MED13L: variants seen among roughly 807,000 people sequenced by gnomAD.
The protein encoded by MED13L is mediator of RNA polymerase II transcription subunit 13-like.
In MED13L, 7 loss-of-function variants were observed where a neutral mutation model predicts 220.9. The ratio of observed to expected loss-of-function variants is 0.03; its 90% CI spans 0.02 to 0.06. The LOEUF (loss-of-function observed/expected upper bound fraction) is 0.06, where lower values mean the gene tolerates loss of function less well. MED13L is among the 10% of genes least tolerant of loss of function. MED13L has a pLI of 1.00. For synonymous variants in MED13L, 1,011 were observed against 1,015.2 expected (o/e 1.00, Z 0.08); for missense variants, 1,965 against 2,760.5 (o/e 0.71, Z 6.46).
At chr12:115,985,608 T>C (rs959213847) in intron 19 of MED13L, among the ~76,000 whole-genome samples, 2 of 152,258 alleles carry the variant, frequency 1.3e-5, no homozygotes, top group African/African-American at 4.8e-5. Flanking sequence ...ATATATACTT[T>C]GGCATAAGAA....
intron 2 of MED13L, among the ~76,000 whole-genome samples, chr12:116,216,159 C>T (rs1371732995): frequency 2.0e-5 from 3 of 152,076 alleles, no homozygotes; most frequent in South Asian, 2.1e-4. Flanking sequence ...CTGAAACCCA[C>T]GTCCTAATTT....
intron 1 of MED13L, among the ~76,000 whole-genome samples, chr12:116,260,801 G>C (rs61937384): frequency 0.15 from 22,916 of 152,058 alleles, 1,942 homozygotes; most frequent in Middle Eastern, 0.22. Flanking sequence ...AAATATCACT[G>C]ATTTGAAATT....
chr12:116,172,012 T>C (rs1879714386), intron 2 of MED13L, among the ~76,000 whole-genome samples: 1 of 152,190 alleles, frequency 6.6e-6, no homozygotes, highest in Non-Finnish European at 1.5e-5. Context: ...TCTCATTATC[T>C]AAGACTTTTG....
At chr12:116,007,037 T>G in intron 11 of MED13L, 1 of 308,332 alleles carries the variant, frequency 3.2e-6, no homozygotes, top group Non-Finnish European at 6.3e-6. Context: ...AAGCGCTCGA[T>G]AAATTGTGTA....
intron 14 of MED13L, among the ~76,000 whole-genome samples, chr12:116,000,421 G>A (rs908184285): frequency 2.6e-5 from 4 of 152,136 alleles, no homozygotes; most frequent in South Asian, 4.1e-4. Context: ...GCACTTCAGC[G>A]GGAACTCATA....
chr12:116,253,753 G>GTTTT (rs746923184), intron 1 of MED13L, among the ~76,000 whole-genome samples: 23 of 76,492 alleles, frequency 3.0e-4, no homozygotes, highest in East Asian at 4.1e-4. Context: ...GGTTTTTTTT[G>GTTTT]TTTTTTTTTT....
chr12:116,185,862 T>C (rs1428327842), intron 2 of MED13L, among the ~76,000 whole-genome samples: 3 of 151,990 alleles, frequency 2.0e-5, no homozygotes, highest in Non-Finnish European at 2.9e-5. Flanking sequence ...CCCAGCTAAT[T>C]TGTTTGTATT....
At position 116,263,254 on chromosome 12, in the gene MED13L, CTCTTT is replaced by C. The variant is rs1872626092; in HGVS notation, c.72+13801_72+13805del. ...AACGCTTTCTGACAGGATTCCCATT[CTCTTT>C]TATTATGTAAAAAAAACTAAAAAAA... On this transcript the variant is annotated intron_variant, in intron 1 of 30. Transcript: ENST00000281928. Among the ~76,000 whole-genome samples, 5 of 151,566 alleles carry C rather than the reference CTCTTT, an allele frequency of 3.3e-5. No individual in the cohort carries two copies. In the South Asian group the frequency reaches 1.0e-3, roughly 32 times the overall value.
chr12:116,023,580 T>C (rs1239334786), intron 4 of MED13L, among the ~76,000 whole-genome samples: 1 of 152,134 alleles, frequency 6.6e-6, no homozygotes, highest in Non-Finnish European at 1.5e-5. Context: ...AAGTGCAAAA[T>C]CATAATGCTT....
intron 17 of MED13L, among the ~76,000 whole-genome samples, chr12:115,988,074 T>G (rs1487996526): frequency 6.6e-6 from 1 of 152,168 alleles, no homozygotes; most frequent in African/African-American, 2.4e-5. Context: ...GGAGGTGATG[T>G]GGTGTGAATC....
At chr12:116,203,033 G>C (rs369155111) in intron 2 of MED13L, among the ~76,000 whole-genome samples, 1 of 152,172 alleles carries the variant, frequency 6.6e-6, no homozygotes, top group Non-Finnish European at 1.5e-5. Flanking sequence ...GCTTGCCACA[G>C]AAACCAACAC....
chr12:116,090,393 A>AT, intron 4 of MED13L, among the ~76,000 whole-genome samples: 1 of 152,122 alleles, frequency 6.6e-6, no homozygotes, highest in East Asian at 1.9e-4. Context: ...TTCTTTTAAA[A>AT]TTTTCCAACT....
At chr12:116,215,304 T>C (rs1882927143) in intron 2 of MED13L, among the ~76,000 whole-genome samples, 2 of 152,194 alleles carry the variant, frequency 1.3e-5, no homozygotes, top group Admixed American at 1.3e-4. Flanking sequence ...ATCCTATTTT[T>C]CTCAGAAGTC....
chr12:116,175,716 T>C (rs568199454), intron 2 of MED13L, among the ~76,000 whole-genome samples: 2 of 152,042 alleles, frequency 1.3e-5, no homozygotes, highest in Admixed American at 6.5e-5. Flanking sequence ...ATACTAAACA[T>C]TAGAGAAGGA....
At chr12:116,031,893 T>C (rs2137501209) in intron 4 of MED13L, among the ~76,000 whole-genome samples, 1 of 151,988 alleles carries the variant, frequency 6.6e-6, no homozygotes, top group East Asian at 1.9e-4. Flanking sequence ...ATGTAGACAA[T>C]ACATAGACTA....
chr12:116,128,948 T>C (rs1414147664), intron 2 of MED13L, among the ~76,000 whole-genome samples: 2 of 151,872 alleles, frequency 1.3e-5, no homozygotes, highest in Non-Finnish European at 2.9e-5. Context: ...AGGGGGAACA[T>C]AATGCAAAAA....
intron 4 of MED13L, among the ~76,000 whole-genome samples, chr12:116,055,186 G>T (rs984452933): frequency 5.9e-5 from 9 of 152,274 alleles, no homozygotes; most frequent in African/African-American, 1.4e-4. Context: ...GGCATAAGGG[G>T]TGCTTCTAAG....
rs753776073 is a variant in MED13L, at chr12:115,991,525, C to T, written c.3429G>A (p.Ala1143=). The T allele has an allele frequency of 2.6e-5, 42 of 1,614,006 alleles. No homozygotes were observed. The East Asian group carries it at 7.1e-4, about 27-fold the overall frequency. The change falls in exon 17 of 31, where the codon GCG becomes GCA. Residue 1143 remains alanine, a synonymous_variant. Coordinates refer to ENST00000281928, the MANE Select transcript of MED13L (RefSeq NM_015335.5). This position sits in a 1 kb window ranked among gnomAD's most constrained non-coding sequence, Gnocchi z 7.7. The part of the protein sequence containing the change: ...ICACNMNIKG[A]DVGLYIPDSS... ...AATCGGGGATGTAAAGCCCGACATC[C>T]GCCCCTTTGATGTTCATGTTGCAGG...
chr12:116,056,281 G>GT lies in MED13L; in HGVS notation c.480-33681dup, dbSNP rs1294062266. Among the ~76,000 whole-genome samples the GT allele has an allele frequency of 7.5e-5, 10 of 133,816 alleles. No homozygotes were observed. In the South Asian group the frequency reaches 1.2e-3, roughly 15 times the overall value. 87.8% of individuals were successfully genotyped at this position (133,816 alleles called of 152,430 possible). ...TATGAAGTTTCTTTTCTTGTTTTTT[G>GT]TTTGTTTTTTTTTTGAGACAAAGTC... On this transcript the variant is annotated intron_variant, in intron 4 of 30. Coordinates refer to ENST00000281928, the MANE Select transcript of MED13L (RefSeq NM_015335.5).
Sources: gnomAD v4.1 joint callset for allele counts (sites outside exome capture counted in the v4.1 genomes callset) on GRCh38, gnomAD v4.1.1 for gene constraint, Gnocchi (gnomAD v3.1) non-coding constraint, MANE v1.5 for transcripts, NCBI Gene and HGNC (gene_info 2026-07-23, HGNC 2026-07-21) for gene names.